Variants in UGT2A1 observed in about 807,000 individuals in gnomAD.
The protein encoded by UGT2A1 is UDP glucuronosyltransferase family 2 member A1 complex locus.
Under a neutral mutation model 45.4 loss-of-function variants are expected in UGT2A1, and 61 were observed. The observed-to-expected ratio is 1.34, with a 90% CI of 1.09 to 1.66. The LOEUF (loss-of-function observed/expected upper bound fraction) is 1.66. Ranked by LOEUF, UGT2A1 falls within the 40% of genes most tolerant of loss-of-function variation. The pLI is 0.00. For missense variants in UGT2A1, 649 were observed against 574.3 expected, an observed-to-expected ratio of 1.13 and a Z score of -1.33; for synonymous variants, 229 against 196.2, an observed-to-expected ratio of 1.17 and a Z score of -1.40.
chr4:69,635,245 G>A (rs1364827837), intron 3 of UGT2A1, among the ~76,000 whole-genome samples: 1 of 152,056 alleles, frequency 6.6e-6, no homozygotes, highest in Non-Finnish European at 1.5e-5. Context: ...GCCCAACATG[G>A]TACTGACAGT....
chr4:69,617,767 C>T (rs1296021665), intron 3 of UGT2A1, among the ~76,000 whole-genome samples: 1 of 151,716 alleles, frequency 6.6e-6, no homozygotes, highest in Non-Finnish European at 1.5e-5. Context: ...AATACACTTA[C>T]TATCTAGGAT....
At chr4:69,623,563 C>T (rs28528833) in intron 3 of UGT2A1, among the ~76,000 whole-genome samples, 52,741 of 150,464 alleles carry the variant, frequency 0.35, 9,539 homozygotes, top group African/African-American at 0.43. Flanking sequence ...TAATATTTTA[C>T]ATTATTTAAT....
intron 1 of UGT2A1, among the ~76,000 whole-genome samples, chr4:69,652,065 C>G (rs1203173834): frequency 6.6e-6 from 1 of 152,092 alleles, no homozygotes; most frequent in Non-Finnish European, 1.5e-5. Flanking sequence ...CTCTGAAACT[C>G]CCGTCAGTCT....
chr4:69,610,394 AC>A (rs1374811225), intron 3 of UGT2A1, among the ~76,000 whole-genome samples: 3 of 152,046 alleles, frequency 2.0e-5, no homozygotes, highest in African/African-American at 7.2e-5. Context: ...TATCTTCTTG[AC>A]TTGTAACTGT....
intron 2 of UGT2A1, among the ~76,000 whole-genome samples, chr4:69,642,346 T>C (rs4148287): frequency 6.6e-6 from 1 of 151,656 alleles, no homozygotes; most frequent in African/African-American, 2.4e-5. Context: ...TAGAAGATTT[T>C]TCAAAGATTC....
At chr4:69,618,213 GTGTATGTTTGTGTGTGTGTGTGTGTA>G (rs1553905699) in intron 3 of UGT2A1, among the ~76,000 whole-genome samples, 1 of 98,276 alleles carries the variant, frequency 1.0e-5, no homozygotes, top group Non-Finnish European at 2.1e-5. Context: ...GTGTGTGTGT[GTGTATGTTTGTGTGTGTGTGTGTGTA>G]TGTGTGTGTT....
At chr4:69,592,817 T>A (rs1360940853) in intron 6 of UGT2A1, among the ~76,000 whole-genome samples, 4 of 151,940 alleles carry the variant, frequency 2.6e-5, no homozygotes, top group South Asian at 2.1e-4. Flanking sequence ...ACAAAAAAAA[T>A]TAATTTCTGA....
At chr4:69,616,240 G>C (rs1055356000) in intron 3 of UGT2A1, among the ~76,000 whole-genome samples, 1 of 151,810 alleles carries the variant, frequency 6.6e-6, no homozygotes, top group Non-Finnish European at 1.5e-5. Context: ...AAGGTCTTGG[G>C]GGGTGGGGAG....
chr4:69,594,905 A>T (rs1042407422), intron 5 of UGT2A1, among the ~76,000 whole-genome samples: 22 of 152,158 alleles, frequency 1.4e-4, no homozygotes, highest in African/African-American at 5.1e-4. Flanking sequence ...CTGGGAATAT[A>T]TTACTGAGGA....
At chr4:69,595,339 T>TCACGCCTGTAGTCCC in intron 4 of UGT2A1, 90 bp from the exon 5 acceptor site, 1 of 1,461,592 alleles carries the variant, frequency 6.8e-7, no homozygotes, top group Non-Finnish European at 9.4e-7. Context: ...TTTAGCCAGC[T>TCACGCCTGTAGTCCC]ACTTGGAAGA....
At chr4:69,651,798 A>T (rs962800445) in intron 1 of UGT2A1, among the ~76,000 whole-genome samples, 1 of 152,190 alleles carries the variant, frequency 6.6e-6, no homozygotes, top group Admixed American at 6.5e-5. Context: ...ACACTTTACC[A>T]AAAAAGGGAA....
chr4:69,649,646 G>A (rs192251530), intron 1 of UGT2A1, among the ~76,000 whole-genome samples: 282 of 152,134 alleles, frequency 1.9e-3, no homozygotes, highest in African/African-American at 6.5e-3. Flanking sequence ...AGGCAAGGTC[G>A]ACCCTAAAAC....
chr4:69,610,396 T>A (rs953841607), intron 3 of UGT2A1, among the ~76,000 whole-genome samples: 2 of 152,168 alleles, frequency 1.3e-5, no homozygotes, highest in Admixed American at 1.3e-4. Context: ...TCTTCTTGAC[T>A]TGTAACTGTT....
intron 4 of UGT2A1, among the ~76,000 whole-genome samples, chr4:69,597,497 A>G (rs2109886071): frequency 6.6e-6 from 1 of 152,298 alleles, no homozygotes; most frequent in Admixed American, 6.5e-5. Flanking sequence ...CTACAGATGT[A>G]TCCTGCATTC....
chr4:69,639,463 T>A, intron 2 of UGT2A1: 1 of 1,613,182 alleles, frequency 6.2e-7, no homozygotes, highest in Non-Finnish European at 8.5e-7. Flanking sequence ...GCCAGTACAG[T>A]CACATTGTGA....
chr4:69,597,893 C>T (rs539233712), intron 4 of UGT2A1, among the ~76,000 whole-genome samples: 5 of 151,980 alleles, frequency 3.3e-5, no homozygotes, highest in South Asian at 4.2e-4. Context: ...TTCCCAAAGC[C>T]TATATCGATA....
At chr4:69,618,514 T>G (rs1391509918) in intron 3 of UGT2A1, among the ~76,000 whole-genome samples, 3 of 151,928 alleles carry the variant, frequency 2.0e-5, no homozygotes, top group African/African-American at 7.2e-5. Flanking sequence ...AAAATAAATT[T>G]ATTTTAACCA....
intron 3 of UGT2A1, among the ~76,000 whole-genome samples, chr4:69,615,192 C>G (rs1327746011): frequency 6.6e-6 from 1 of 151,920 alleles, no homozygotes; most frequent in Non-Finnish European, 1.5e-5. Context: ...ACACAAAAAT[C>G]AAATCACCCT....
At chr4:69,594,327 A>T in intron 6 of UGT2A1, 150 bp downstream of exon 6, 1 of 1,096,666 alleles carries the variant, frequency 9.1e-7, no homozygotes, top group Non-Finnish European at 1.3e-6. Flanking sequence ...AAATCACTTT[A>T]GCAGTTTGGC....
Sources: allele counts gnomAD v4.1 joint callset (sites outside exome capture counted in the v4.1 genomes callset), GRCh38; gene constraint gnomAD v4.1.1; transcripts MANE v1.5; gene names NCBI Gene and HGNC (gene_info 2026-07-23, HGNC 2026-07-21).